ACACA: variants seen among roughly 807,000 people sequenced by gnomAD.
ACACA encodes acetyl-CoA carboxylase 1.
In ACACA, 103 loss-of-function variants were observed where a neutral mutation model predicts 296.1. That is an observed-to-expected ratio of 0.35 (90% CI 0.30 to 0.41). ACACA has a LOEUF of 0.41. Ranked by LOEUF, ACACA falls within the 10% of genes least tolerant of loss-of-function variation. The pLI, the probability that ACACA is intolerant of heterozygous loss-of-function variation, is 1.00. For missense variants in ACACA, 1,554 were observed against 2,989.7 expected, an observed-to-expected ratio of 0.52 and a Z score of 11.20; for synonymous variants, 953 against 1,038.6, an observed-to-expected ratio of 0.92 and a Z score of 1.58.
chr17:37,112,910 G>GT (rs2074055996), intron 51 of ACACA, among the ~76,000 whole-genome samples, 178 bp downstream of exon 51: 1 of 152,122 alleles, frequency 6.6e-6, no homozygotes, highest in Non-Finnish European at 1.5e-5. Flanking sequence ...AAACACCATG[G>GT]TCTTCAGCTT....
At chr17:37,288,930 G>A (rs983502026) in intron 3 of ACACA, among the ~76,000 whole-genome samples, 6 of 151,804 alleles carry the variant, frequency 4.0e-5, no homozygotes, top group African/African-American at 1.2e-4. Context: ...AAACTTTACT[G>A]TACTTAAATT....
intron 45 of ACACA, among the ~76,000 whole-genome samples, chr17:37,131,923 G>C (rs1271012788): frequency 2.0e-5 from 3 of 152,222 alleles, no homozygotes; most frequent in South Asian, 2.1e-4. Flanking sequence ...CTCGTGAAGA[G>C]GGAAGACGGT....
chr17:37,390,140 G>GTA (rs1243535532), intron 1 of ACACA, among the ~76,000 whole-genome samples: 895 of 34,564 alleles, frequency 0.026, 32 homozygotes, highest in African/African-American at 0.033. Context: ...AAAAAAAAAA[G>GTA]TATATATATA....
intron 40 of ACACA, among the ~76,000 whole-genome samples, chr17:37,179,844 T>C (rs970555711): frequency 5.3e-5 from 8 of 152,236 alleles, no homozygotes; most frequent in African/African-American, 1.9e-4. Context: ...ATGAAGCTTC[T>C]ACTAGAAATT....
intron 45 of ACACA, among the ~76,000 whole-genome samples, chr17:37,142,777 C>T (rs762596396): frequency 6.6e-6 from 1 of 152,210 alleles, no homozygotes; most frequent in Non-Finnish European, 1.5e-5. Flanking sequence ...ACATTAATGG[C>T]TTTCCAAAGT....
At chr17:37,381,626 C>CTTTT (rs550853752) in intron 1 of ACACA, among the ~76,000 whole-genome samples, 5 of 125,882 alleles carry the variant, frequency 4.0e-5, no homozygotes, top group Non-Finnish European at 6.7e-5. Flanking sequence ...CTTCCATAGT[C>CTTTT]TTTTTTTTTT....
At chr17:37,357,623 C>T (rs545898218) in intron 1 of ACACA, among the ~76,000 whole-genome samples, 16 of 152,298 alleles carry the variant, frequency 1.1e-4, no homozygotes, top group South Asian at 4.1e-4. Context: ...CTTGGGTTCA[C>T]ATCAGTCCTC....
In ACACA at chr17:37,192,257, G is replaced by A; in HGVS notation, c.4249C>T (p.Gln1417Ter). ...YRHLEPALAF[Q>*]LELNRMRNFD... ...TTTCTCATCCGGTTCAGCTCTAACT[G>A]GAAAGCCAGAGCAGGCTCCAGATGA... The change falls in exon 37 of 56, where the codon CAG (glutamine) becomes TAG (stop). Residue 1417 changes from glutamine (Q) to a stop codon, truncating the protein, a stop_gained. Coordinates refer to ENST00000616317, the MANE Select transcript of ACACA (RefSeq NM_198834.3). LOFTEE classifies it high-confidence loss of function. 6.2e-7 allele frequency: 1 copy of A among 1,614,024 alleles called. No homozygotes were observed.
chr17:37,167,079 GGATTACAGGTGCAT>G (rs2076696160), intron 41 of ACACA, among the ~76,000 whole-genome samples: 1 of 150,420 alleles, frequency 6.6e-6, no homozygotes, highest in Admixed American at 6.6e-5. Context: ...TGAGTAGCTG[GGATTACAGGTGCAT>G]GCCACCAGGC....
chr17:37,159,644 TAAAGTTTTTCTATGAACTTTATTG>T (rs1188220621), intron 42 of ACACA, among the ~76,000 whole-genome samples: 1 of 152,236 alleles, frequency 6.6e-6, no homozygotes, highest in Non-Finnish European at 1.5e-5. Context: ...CATACTTTAA[TAAAGTTTTTCTATGAACTTTATTG>T]AAATATAATT....
intron 1 of ACACA, chr17:37,391,765 G>A: frequency 1.3e-6 from 2 of 1,540,908 alleles, no homozygotes; most frequent in South Asian, 1.1e-5. Context: ...ATACTACACA[G>A]TCCTCTCCCT....
chr17:37,284,510 A>G (rs1418163086), intron 4 of ACACA, among the ~76,000 whole-genome samples: 1 of 152,180 alleles, frequency 6.6e-6, no homozygotes, highest in Non-Finnish European at 1.5e-5. Flanking sequence ...GGCACAATCC[A>G]TAGCTCACTG....
chr17:37,334,063 C>T (rs550839596), intron 2 of ACACA, among the ~76,000 whole-genome samples: 9 of 151,982 alleles, frequency 5.9e-5, no homozygotes, highest in African/African-American at 1.9e-4. Context: ...ACTCACACTG[C>T]GCCTGGAGGC....
chr17:37,361,135 T>C (rs1324961561), intron 1 of ACACA, among the ~76,000 whole-genome samples: 1 of 150,616 alleles, frequency 6.6e-6, no homozygotes, highest in Non-Finnish European at 1.5e-5. Context: ...ACCTCCCAGG[T>C]TCAAGCCATT....
At chr17:37,221,687 C>T (rs1260251905) in intron 29 of ACACA, 37 bp downstream of exon 29, 1 of 1,500,034 alleles carries the variant, frequency 6.7e-7, no homozygotes, top group South Asian at 1.1e-5. Flanking sequence ...TGGTATACCT[C>T]TGGCTGGCTC....
At chr17:37,287,837 G>C (rs929486054) in intron 3 of ACACA, among the ~76,000 whole-genome samples, 6 of 151,642 alleles carry the variant, frequency 4.0e-5, no homozygotes, top group South Asian at 4.2e-4. Flanking sequence ...CATAACAAAG[G>C]CTATGCACTC....
intron 3 of ACACA, among the ~76,000 whole-genome samples, chr17:37,327,669 T>G (rs2047682901): frequency 6.6e-6 from 1 of 152,236 alleles, no homozygotes; most frequent in Non-Finnish European, 1.5e-5. Context: ...CTCAGTTTCC[T>G]AATCCAGCAA....
chr17:37,162,025 G>A lies in ACACA; in HGVS notation c.5105C>T (p.Thr1702Ile), dbSNP rs1389316780. 6.2e-7 allele frequency: 1 copy of A among 1,614,022 alleles called. No individual in the cohort carries two copies. Among genetic ancestry groups the A allele is most frequent in the African/African-American group, 1.3e-5 (1 of 74,902 alleles). Residue 1702 changes from threonine to isoleucine, a missense_variant, in exon 42 of 56, where the codon ACC becomes ATC. Around this residue, in one of 16 missense-constraint regions of ACACA, gnomAD observed 553 missense variants for 1,043.6 expected, o/e 0.53. Coordinates refer to ENST00000616317, the MANE Select transcript of ACACA (RefSeq NM_198834.3). ...TTCTGGATATTCAGGACTTTTAAAG[G>A]TCATTTTCCAAGCTACCATGCCAAT... ...NEIGMVAWKM[T>I]FKSPEYPEGR...
chr17:37,122,367 T>G (rs940557074), intron 49 of ACACA, among the ~76,000 whole-genome samples, 164 bp downstream of exon 49: 4 of 152,230 alleles, frequency 2.6e-5, no homozygotes, highest in African/African-American at 9.6e-5. Context: ...CTAGTCCGTT[T>G]AGACTCACCT....
Sources: allele counts gnomAD v4.1 joint callset (sites outside exome capture counted in the v4.1 genomes callset), GRCh38; gene constraint gnomAD v4.1.1; regional missense constraint gnomAD v4.1.1; transcripts MANE v1.5; gene names NCBI Gene and HGNC (gene_info 2026-07-23, HGNC 2026-07-21).